Variants in TFPI observed in about 807,000 individuals in gnomAD.
TFPI encodes the protein anti-convertin.
TFPI carries 15 observed loss-of-function variants against 34.6 expected under a neutral mutation model. The ratio of observed to expected loss-of-function variants is 0.43; its 90% CI spans 0.29 to 0.67. The LOEUF is 0.67. Among genes scored for constraint, TFPI ranks in the 30% least tolerant of loss-of-function variants. TFPI has a pLI of 0.15. For synonymous variants in TFPI, 105 were observed against 120.1 expected (o/e 0.87, Z 0.82); for missense variants, 301 against 364.0 (o/e 0.83, Z 1.41).
intron 7 of TFPI, 117 bp downstream of exon 7, chr2:187,467,636 G>T: frequency 1.1e-6 from 1 of 914,490 alleles, no homozygotes; most frequent in Non-Finnish European, 1.5e-6. Flanking sequence ...ACATTTATTA[G>T]CTAGATTATA....
rs1296301899 is a variant in TFPI at position 187,465,063 on chromosome 2, T to C, written c.*1873A>G. On this transcript the variant is annotated 3_prime_UTR_variant, in exon 8 of 8. Coordinates refer to ENST00000233156, the MANE Select transcript of TFPI (RefSeq NM_006287.6). ...AAGTAGTCATGAAAGAAAGTACTGT[T>C]GGTAAATCCAAAAACATACATCAAA... 6.6e-6 allele frequency: 1 copy of C among 152,158 alleles called. No homozygotes were observed. The allele number at this position is 152,158 out of a possible 1,614,324, so 9.4% of individuals were successfully genotyped here.
chr2:187,523,769 T>C (rs1687539545), intron 1 of TFPI, among the ~76,000 whole-genome samples: 1 of 152,152 alleles, frequency 6.6e-6, no homozygotes, highest in Admixed American at 6.5e-5. Flanking sequence ...TTGAAGTTAC[T>C]GATCTTTTTA....
At chr2:187,528,112 A>G (rs1377090549) in intron 1 of TFPI, among the ~76,000 whole-genome samples, 6 of 152,120 alleles carry the variant, frequency 3.9e-5, no homozygotes, top group Non-Finnish European at 8.8e-5. Flanking sequence ...TCTAAATTTC[A>G]TTTATATTTA....
At chr2:187,522,730 A>C (rs1374116378) in intron 1 of TFPI, among the ~76,000 whole-genome samples, 1 of 145,330 alleles carries the variant, frequency 6.9e-6, no homozygotes. Flanking sequence ...AAAAATACAA[A>C]AAAAAAAAAA....
At chr2:187,535,445 C>A (rs1010450083) in intron 1 of TFPI, among the ~76,000 whole-genome samples, 1 of 152,174 alleles carries the variant, frequency 6.6e-6, no homozygotes, top group African/African-American at 2.4e-5. Flanking sequence ...CAAAACCATA[C>A]AACTACATGG....
intron 1 of TFPI, among the ~76,000 whole-genome samples, chr2:187,532,712 T>C (rs991885436): frequency 6.6e-6 from 1 of 151,964 alleles, no homozygotes; most frequent in African/African-American, 2.4e-5. Flanking sequence ...CAGTGGCGTC[T>C]GGAATGCCAG....
chr2:187,468,256 C>G (rs2105944640), intron 6 of TFPI, among the ~76,000 whole-genome samples: 1 of 97,360 alleles, frequency 1.0e-5, no homozygotes, highest in Non-Finnish European at 2.1e-5. Context: ...AAATTTCTTA[C>G]AGACACACAC....
intron 1 of TFPI, among the ~76,000 whole-genome samples, chr2:187,509,140 T>G (rs1686442484): frequency 6.6e-6 from 1 of 152,214 alleles, no homozygotes; most frequent in South Asian, 2.1e-4. Context: ...ATCCCAGGGA[T>G]GAAGCCGACT....
chr2:187,474,245 G>A (rs909265305), intron 6 of TFPI, among the ~76,000 whole-genome samples: 2 of 152,092 alleles, frequency 1.3e-5, no homozygotes, highest in African/African-American at 4.8e-5. Flanking sequence ...TTAGTCTGTT[G>A]ATCAGCTTTT....
intron 2 of TFPI, among the ~76,000 whole-genome samples, chr2:187,498,780 C>A (rs1685653964): frequency 6.6e-6 from 1 of 151,726 alleles, no homozygotes; most frequent in African/African-American, 2.4e-5. Flanking sequence ...AATTTGTTAA[C>A]TTAGAATAAC....
intron 1 of TFPI, among the ~76,000 whole-genome samples, chr2:187,522,354 T>A (rs1266946331): frequency 1.3e-5 from 2 of 152,038 alleles, no homozygotes; most frequent in Admixed American, 1.3e-4. Context: ...ACTATAATAG[T>A]TAAACTGATA....
chr2:187,526,149 C>A (rs2106234136), intron 1 of TFPI, among the ~76,000 whole-genome samples: 1 of 152,178 alleles, frequency 6.6e-6, no homozygotes, highest in South Asian at 2.1e-4. Context: ...ATTTATAGAT[C>A]TTATTCTGCA....
intron 4 of TFPI, among the ~76,000 whole-genome samples, chr2:187,487,384 A>C (rs1282428432): frequency 6.6e-6 from 1 of 151,468 alleles, no homozygotes; most frequent in African/African-American, 2.4e-5. Context: ...TCTTTATTTT[A>C]TACATTTTGA....
intron 1 of TFPI, among the ~76,000 whole-genome samples, chr2:187,532,726 G>A (rs1280759364): frequency 1.3e-5 from 2 of 152,144 alleles, no homozygotes; most frequent in African/African-American, 4.8e-5. Context: ...ATGCCAGTGA[G>A]ACAGAACCAT....
chr2:187,470,580 G>A (rs1483690375), intron 6 of TFPI, among the ~76,000 whole-genome samples: 1 of 152,138 alleles, frequency 6.6e-6, no homozygotes, highest in Non-Finnish European at 1.5e-5. Context: ...CAGATGTGGT[G>A]GAGAGACATA....
chr2:187,543,277 A>G (rs1219397454), intron 1 of TFPI, among the ~76,000 whole-genome samples: 4 of 152,220 alleles, frequency 2.6e-5, no homozygotes, highest in Non-Finnish European at 5.9e-5. Context: ...TTCCAACATA[A>G]TTAAAGTTAT....
At chr2:187,502,420 T>A (rs540264205) in intron 2 of TFPI, among the ~76,000 whole-genome samples, 3 of 152,206 alleles carry the variant, frequency 2.0e-5, no homozygotes, top group Non-Finnish European at 4.4e-5. Flanking sequence ...AGACTTATTT[T>A]ATCCTCCACC....
At chr2:187,536,152 G>T (rs1296293769) in intron 1 of TFPI, among the ~76,000 whole-genome samples, 1 of 152,160 alleles carries the variant, frequency 6.6e-6, no homozygotes. Context: ...TCTACCAGAA[G>T]TACAAAGAGT....
intron 1 of TFPI, among the ~76,000 whole-genome samples, chr2:187,508,551 A>G (rs1488767953): frequency 6.6e-6 from 1 of 151,726 alleles, no homozygotes; most frequent in Non-Finnish European, 1.5e-5. Context: ...ATTCCTAGGT[A>G]TTTTATTCTC....
Sources: allele counts gnomAD v4.1 joint callset (sites outside exome capture counted in the v4.1 genomes callset), GRCh38; gene constraint gnomAD v4.1.1; transcripts MANE v1.5; gene names NCBI Gene and HGNC (gene_info 2026-07-23, HGNC 2026-07-21).